The following MYH15 variants were observed in gnomAD, a reference collection of about 807,000 sequenced individuals.
The protein encoded by MYH15 is myosin heavy chain 15.
In MYH15, 227 loss-of-function variants were observed where a neutral mutation model predicts 240.5. The ratio of observed to expected loss-of-function variants is 0.94; its 90% confidence interval spans 0.85 to 1.05. The LOEUF (loss-of-function observed/expected upper bound fraction) is 1.05, where lower values mean the gene tolerates loss of function less well. Among genes scored for constraint, MYH15 ranks in the 50% least tolerant of loss-of-function variants. The pLI is 0.00. For synonymous variants in MYH15, 785 were observed against 796.7 expected (o/e 0.99, Z 0.25); for missense variants, 2,217 against 2,247.5 (o/e 0.99, Z 0.27).
intron 22 of MYH15, among the ~76,000 whole-genome samples, chr3:108,443,357 GTAA>G (rs928030472): frequency 6.6e-6 from 1 of 152,066 alleles, no homozygotes; most frequent in African/African-American, 2.4e-5. Context: ...ATATTAAAAA[GTAA>G]TAATAATAAA....
At position 108,384,541 on chromosome 3, in the gene MYH15, C is replaced by T. The variant is rs1228924184; in HGVS notation, c.5631+146G>A. 5.7e-6 allele frequency: 4 copies of T among 696,976 alleles called. No individual in the cohort carries two copies. The East Asian group carries it at 1.1e-4, about 20-fold the overall frequency. The allele number at this position is 696,976 out of a possible 1,614,324, so 43.2% of individuals were successfully genotyped here. A position where few individuals can be genotyped will look rare whatever the true frequency, so the allele number is the denominator to read the frequency against. ...TTTTTGCCATGGGTGAGAATTCTAA[C>T]TTGAGAAAAAAAACTGAGGATGAGC... On this transcript the variant is annotated intron_variant, in intron 39 of 40. Transcript: ENST00000693548.
chr3:108,533,353 A>C (rs1465631577), upstream of MYH15, among the ~76,000 whole-genome samples: 2 of 152,070 alleles, frequency 1.3e-5, no homozygotes, highest in Non-Finnish European at 2.9e-5. Flanking sequence ...TCAATTATTT[A>C]CTAGCTCTAG....
chr3:108,468,019 G>A (rs1242769417), intron 14 of MYH15, among the ~76,000 whole-genome samples: 1 of 151,012 alleles, frequency 6.6e-6, no homozygotes, highest in African/African-American at 2.4e-5. Context: ...AGGCTGGAGT[G>A]CAGTGGTGCG....
intron 14 of MYH15, among the ~76,000 whole-genome samples, chr3:108,469,537 A>T (rs2083152864): frequency 6.6e-6 from 1 of 152,234 alleles, no homozygotes; most frequent in Non-Finnish European, 1.5e-5. Context: ...TATTGTCATA[A>T]ATTACTTAAA....
chr3:108,412,629 C>T (rs1392626873), intron 30 of MYH15, among the ~76,000 whole-genome samples: 1 of 152,168 alleles, frequency 6.6e-6, no homozygotes, highest in East Asian at 1.9e-4. Flanking sequence ...CTATTTTGCT[C>T]CTTAACTTGC....
At chr3:108,410,066 A>T (rs991864909) in intron 31 of MYH15, among the ~76,000 whole-genome samples, 2 of 47,788 alleles carry the variant, frequency 4.2e-5, no homozygotes, top group African/African-American at 8.7e-5. Flanking sequence ...GCGACTTATC[A>T]AATGTGAATT....
chr3:108,522,003 G>A (rs2083622456), intron 1 of MYH15, among the ~76,000 whole-genome samples: 1 of 152,150 alleles, frequency 6.6e-6, no homozygotes, highest in Non-Finnish European at 1.5e-5. Flanking sequence ...GATTCAAGAT[G>A]TTCAGTTGTG....
intron 1 of MYH15, among the ~76,000 whole-genome samples, chr3:108,528,786 A>G (rs1296343865): frequency 6.6e-6 from 1 of 152,218 alleles, no homozygotes; most frequent in Non-Finnish European, 1.5e-5. Context: ...CTGACACTAT[A>G]GACCATGCTC....
the MYH15 span, among the ~76,000 whole-genome samples, chr3:108,534,475 A>G: frequency 3.9e-5 from 6 of 152,086 alleles, no homozygotes; most frequent in African/African-American, 9.7e-5. Flanking sequence ...AACTGGTTTA[A>G]TTTTGTCTCA....
chr3:108,501,160 G>A (rs2107237762), intron 3 of MYH15, among the ~76,000 whole-genome samples: 1 of 152,276 alleles, frequency 6.6e-6, no homozygotes, highest in Middle Eastern at 3.4e-3. Flanking sequence ...GCATGCCATG[G>A]CTCCTATGGC....
At position 108,464,618 on chromosome 3, in the gene MYH15, G is replaced by A; in HGVS notation, c.1731+20C>T. 1 of 1,578,406 alleles carries A rather than the reference G, an allele frequency of 6.3e-7. No individual in the cohort carries two copies. The highest frequency in any genetic ancestry group is 1.2e-5 in the South Asian group (1 of 85,200). ...ACAAAGTCAGGAAAATTCAAGACCG[G>A]GGGTCCAGAGGTAACTCACCACTCC... On this transcript the variant is annotated intron_variant, in intron 15 of 40. Transcript: ENST00000693548.
At chr3:108,394,343 T>C (rs2082443434) in intron 35 of MYH15, among the ~76,000 whole-genome samples, 187 bp from the exon 36 acceptor site, 1 of 152,080 alleles carries the variant, frequency 6.6e-6, no homozygotes, top group African/African-American at 2.4e-5. Flanking sequence ...ATGGAAGGGA[T>C]TTCACCCATT....
At position 108,421,209 on chromosome 3, in the gene MYH15, A is replaced by T. The variant is rs2082680933; in HGVS notation, c.3708T>A (p.Asn1236Lys). 6.2e-7 allele frequency: 1 copy of T among 1,611,950 alleles called. No homozygotes were observed. The highest frequency in any genetic ancestry group is 1.3e-5 in the African/African-American group (1 of 74,908). The change falls in exon 28 of 41, where the codon AAT (asparagine) becomes AAA (lysine). Residue 1236 changes from asparagine (N) to lysine (K), a missense_variant. Transcript: ENST00000693548. ...CATATAGAGTACAGAGTTTCTCAGC[A>T]TTTGCCTATAAGTTGAGAAAGAAGG... ...RVEQMTRAKA[N>K]AEKLCTLYEE...
chr3:108,437,595 G>T lies in MYH15; in HGVS notation c.3180C>A (p.Asn1060Lys). 1.2e-6 allele frequency: 2 copies of T among 1,613,878 alleles called. No homozygotes were observed. Among genetic ancestry groups the T allele is most frequent in the Non-Finnish European group, 8.5e-7 (1 of 1,179,906 alleles). ...CCAGGTGTCGCTGGCTGCTTTCCAG[G>T]TTCTCCATACTTTCCCGATTCAGCT... is the stretch of plus-strand genomic sequence containing the variant. ...NLKLNRESME[N>K]LESSQRHLAE... The change falls in exon 25 of 41, where the codon AAC (asparagine) becomes AAA (lysine). Residue 1060 changes from asparagine (N) to lysine (K), a missense_variant. Coordinates refer to ENST00000693548, the MANE Select transcript of MYH15 (RefSeq NM_014981.3).
intron 35 of MYH15, among the ~76,000 whole-genome samples, chr3:108,398,230 G>T (rs991396011): frequency 6.6e-6 from 1 of 152,150 alleles, no homozygotes; most frequent in Non-Finnish European, 1.5e-5. Flanking sequence ...GACACAGGAA[G>T]AACACCATGT....
intron 38 of MYH15, among the ~76,000 whole-genome samples, chr3:108,388,013 G>T (rs1352404713): frequency 6.6e-6 from 1 of 152,192 alleles, no homozygotes; most frequent in Non-Finnish European, 1.5e-5. Flanking sequence ...CAAAGAAGCT[G>T]TAAAAATGGG....
At chr3:108,480,417 G>A (rs2083257634) in intron 11 of MYH15, among the ~76,000 whole-genome samples, 1 of 152,156 alleles carries the variant, frequency 6.6e-6, no homozygotes, top group Non-Finnish European at 1.5e-5. Context: ...GGTGACTTCT[G>A]GTCGCAGAAG....
intron 21 of MYH15, among the ~76,000 whole-genome samples, chr3:108,450,128 A>G (rs139821002): frequency 1.3e-5 from 2 of 152,164 alleles, no homozygotes; most frequent in Non-Finnish European, 1.5e-5. Context: ...TGGTACAGCC[A>G]TTATGGAAAA....
chr3:108,389,583 A>G (rs920173232), intron 37 of MYH15, among the ~76,000 whole-genome samples: 1 of 152,206 alleles, frequency 6.6e-6, no homozygotes, highest in East Asian at 1.9e-4. Flanking sequence ...CATTCATTCA[A>G]TGCAGGTGCC....
Sources: gnomAD v4.1 joint callset for allele counts (sites outside exome capture counted in the v4.1 genomes callset) on GRCh38, gnomAD v4.1.1 for gene constraint, MANE v1.5 for transcripts, NCBI Gene and HGNC (gene_info 2026-07-23, HGNC 2026-07-21) for gene names.